The following ALK variants were observed in gnomAD, a reference collection of about 807,000 sequenced individuals.
ALK encodes the protein ALK receptor tyrosine kinase, also known as ALK tyrosine kinase receptor.
A neutral mutation model predicts 163.1 loss-of-function variants in ALK; 74 were observed. The ratio of observed to expected loss-of-function variants is 0.45; its 90% CI spans 0.38 to 0.55. The LOEUF is 0.55. ALK is among the 20% of genes least tolerant of loss of function. ALK has a pLI of 0.00. For synonymous variants in ALK, 960 were observed against 843.2 expected, an observed-to-expected ratio of 1.14 and a Z score of -2.40; for missense variants, 2,063 against 2,105.3, an observed-to-expected ratio of 0.98 and a Z score of 0.39.
In ALK at chr2:29,354,875, T is replaced by C. The variant is rs761077983; in HGVS notation, c.1283-26394A>G. Among the ~76,000 whole-genome samples the C allele has an allele frequency of 1.1e-3, 172 of 151,676 alleles. 2 individuals are homozygous for C. The highest frequency in any genetic ancestry group is 2.2e-3 in the Non-Finnish European group (152 of 67,922). On this transcript the variant is annotated intron_variant, in intron 5 of 28. Transcript: ENST00000389048. ...TCCACCTCCCAGGTTCACACCATTC[T>C]CCTGCCTCAGCCTCCCAAGTAGCTA...
At chr2:29,711,456 C>T (rs1052210767) in intron 2 of ALK, among the ~76,000 whole-genome samples, 1 of 152,212 alleles carries the variant, frequency 6.6e-6, no homozygotes. Flanking sequence ...GGTATGCTTA[C>T]CTCTTCCCCC....
At chr2:29,306,975 C>T (rs1386378566) in intron 8 of ALK, among the ~76,000 whole-genome samples, 1 of 152,202 alleles carries the variant, frequency 6.6e-6, no homozygotes, top group Non-Finnish European at 1.5e-5. Flanking sequence ...ATAGACTTTC[C>T]AATTATGTGG....
rs10654058 is a variant in ALK at position 29,396,836 on chromosome 2, G to GTTTTTTTTTTTTTTTTTTTTTT, written c.1155-12999_1155-12978dup. The stretch of plus-strand genomic sequence containing the variant: ...TACCCAGAGGCCCTTTGTTACTATG[G>GTTTTTTTTTTTTTTTTTTTTTT]TTTTTTTTTTTTTTTTTTTTTTTTG... On this transcript the variant is annotated intron_variant, in intron 4 of 28. Coordinates refer to ENST00000389048, the MANE Select transcript of ALK (RefSeq NM_004304.5). 2.6e-4 allele frequency among the ~76,000 whole-genome samples: 12 copies of GTTTTTTTTTTTTTTTTTTTTTT among 46,604 alleles called. 3 individuals are homozygous for GTTTTTTTTTTTTTTTTTTTTTT. The highest frequency in any genetic ancestry group is 3.7e-4 in the African/African-American group (4 of 10,718). The allele number at this position is 46,604 out of a possible 152,430, so 30.6% of individuals were successfully genotyped here.
At chr2:29,772,775 A>G (rs1347087081) in intron 1 of ALK, among the ~76,000 whole-genome samples, 1 of 152,222 alleles carries the variant, frequency 6.6e-6, no homozygotes, top group African/African-American at 2.4e-5. Context: ...ATAAAATTTG[A>G]TAACATGTTA....
chr2:29,846,064 C>A (rs1665833934), intron 1 of ALK, among the ~76,000 whole-genome samples: 1 of 152,190 alleles, frequency 6.6e-6, no homozygotes, highest in Non-Finnish European at 1.5e-5. Flanking sequence ...AAAAAGAAAT[C>A]TGGTTTTGGG....
At chr2:29,370,498 T>C (rs957658608) in intron 5 of ALK, among the ~76,000 whole-genome samples, 3 of 152,218 alleles carry the variant, frequency 2.0e-5, no homozygotes, top group East Asian at 1.9e-4. Flanking sequence ...AGGGCCCTTG[T>C]CCAGAGCCAA....
intron 8 of ALK, among the ~76,000 whole-genome samples, chr2:29,309,143 G>A (rs887802560): frequency 1.3e-5 from 2 of 152,068 alleles, no homozygotes; most frequent in Admixed American, 6.5e-5. Flanking sequence ...CAGCCTTCAC[G>A]GACACCACTG....
intron 1 of ALK, among the ~76,000 whole-genome samples, chr2:29,722,022 CA>C (rs1176613706): frequency 2.6e-5 from 4 of 152,250 alleles, no homozygotes; most frequent in African/African-American, 9.6e-5. Flanking sequence ...GTCTTTGTTT[CA>C]CTGGACCACT....
intron 1 of ALK, among the ~76,000 whole-genome samples, chr2:29,745,970 TATA>T (rs142692529): frequency 6.6e-6 from 1 of 152,294 alleles, no homozygotes; most frequent in African/African-American, 2.4e-5. Context: ...AAAAATCAGG[TATA>T]ATAATAGCAA....
rs542687400 is a variant in ALK, at chr2:29,326,941, C to T, written c.1414+1409G>A. Among the ~76,000 whole-genome samples the T allele has an allele frequency of 2.0e-3, 298 of 152,306 alleles. 2 individuals are homozygous for T. The highest frequency in any genetic ancestry group is 3.1e-3 in the Non-Finnish European group (212 of 68,020). On this transcript the variant is annotated intron_variant, in intron 6 of 28. Coordinates refer to ENST00000389048, the MANE Select transcript of ALK (RefSeq NM_004304.5). ...GGCCCCACCCCAGGCACCATTCTGC[C>T]TCCTCCTTCCCCAGTCCAGGCTCCA...
chr2:29,363,694 TA>T (rs1435575358), intron 5 of ALK, among the ~76,000 whole-genome samples: 1 of 152,222 alleles, frequency 6.6e-6, no homozygotes, highest in Non-Finnish European at 1.5e-5. Context: ...GGACACATTT[TA>T]AAAATCCAAG....
At chr2:29,531,271 GCCA>G (rs1673111275) in intron 4 of ALK, among the ~76,000 whole-genome samples, 15 of 152,172 alleles carry the variant, frequency 9.9e-5, no homozygotes, top group Non-Finnish European at 2.1e-4. Flanking sequence ...AAAAACAAAA[GCCA>G]GGCACAGAAG....
intron 4 of ALK, among the ~76,000 whole-genome samples, chr2:29,512,307 G>A (rs1255884602): frequency 1.3e-5 from 2 of 150,634 alleles, no homozygotes; most frequent in Admixed American, 6.6e-5. Flanking sequence ...CCATGATCAA[G>A]TGGGCTTCAT....
intron 1 of ALK, among the ~76,000 whole-genome samples, chr2:29,815,173 G>A (rs1664864502): frequency 6.6e-6 from 1 of 151,298 alleles, no homozygotes; most frequent in Non-Finnish European, 1.5e-5. Context: ...ACTTAATAAT[G>A]GTGCAACATT....
intron 1 of ALK, among the ~76,000 whole-genome samples, chr2:29,763,043 C>T (rs1004663079): frequency 2.8e-4 from 42 of 148,572 alleles, no homozygotes; most frequent in African/African-American, 9.2e-4. Flanking sequence ...GCCGAGATCG[C>T]GCCACTGCAC....
intron 3 of ALK, among the ~76,000 whole-genome samples, chr2:29,572,822 T>C (rs1312654412): frequency 6.6e-6 from 1 of 152,146 alleles, no homozygotes; most frequent in African/African-American, 2.4e-5. Context: ...CTTCAGTCTG[T>C]AGGAGGGGCC....
chr2:29,193,090 T>C lies in ALK; in HGVS notation c.*134A>G. On this transcript the variant is annotated 3_prime_UTR_variant, in exon 29 of 29. Coordinates refer to ENST00000389048, the MANE Select transcript of ALK (RefSeq NM_004304.5). The stretch of plus-strand genomic sequence containing the variant: ...AAAGCATTTTCAAAATACAGCTTTT[T>C]TGGTGGTACTTCAAAATAGGTTGGC... 4 of 961,322 alleles carry C rather than the reference T, an allele frequency of 4.2e-6. No homozygotes were observed. The highest frequency in any genetic ancestry group is 6.5e-6 in the Non-Finnish European group (4 of 616,002). The allele number at this position is 961,322 out of a possible 1,614,324, so 59.5% of individuals were successfully genotyped here. A position where few individuals can be genotyped will look rare whatever the true frequency, so the allele number is the denominator to read the frequency against.
At chr2:29,253,844 TTAGATAGATAGATAGATAGATAGA>T (rs10539749) in intron 11 of ALK, among the ~76,000 whole-genome samples, 1 of 143,490 alleles carries the variant, frequency 7.0e-6, no homozygotes, top group African/African-American at 2.8e-5. Context: ...TATATCTATA[TTAGATAGATAGATAGATAGATAGA>T]TAGATAGATA....
intron 5 of ALK, among the ~76,000 whole-genome samples, chr2:29,340,040 T>C (rs1351486463): frequency 6.6e-6 from 1 of 152,228 alleles, no homozygotes; most frequent in Non-Finnish European, 1.5e-5. Flanking sequence ...CCTAAGGTTT[T>C]CCTATTCAAC....
Sources: allele counts gnomAD v4.1 joint callset (sites outside exome capture counted in the v4.1 genomes callset), GRCh38; gene constraint gnomAD v4.1.1; transcripts MANE v1.5; gene names NCBI Gene and HGNC (gene_info 2026-07-23, HGNC 2026-07-21).